Variants in PCCA observed in about 807,000 individuals in gnomAD.
PCCA encodes the protein propionyl-CoA carboxylase subunit alpha.
Under a neutral mutation model 101.3 loss-of-function variants are expected in PCCA, and 74 were observed. The observed-to-expected ratio is 0.73, with a 90% CI of 0.61 to 0.89. The LOEUF is 0.89. PCCA is among the 40% of genes least tolerant of loss of function. PCCA has a pLI of 0.00. For missense variants in PCCA, 891 were observed against 907.0 expected (o/e 0.98, Z 0.23); for synonymous variants, 294 against 313.6 (o/e 0.94, Z 0.66).
chr13:100,284,703 G>C (rs566554697), intron 12 of PCCA, among the ~76,000 whole-genome samples: 7 of 152,292 alleles, frequency 4.6e-5, no homozygotes, highest in African/African-American at 1.7e-4. Flanking sequence ...AAGCAGAATG[G>C]TTCACGGTTC....
chr13:100,415,302 C>T (rs1409930021), intron 19 of PCCA, among the ~76,000 whole-genome samples: 1 of 151,956 alleles, frequency 6.6e-6, no homozygotes, highest in Non-Finnish European at 1.5e-5. Flanking sequence ...AGCTACTCAA[C>T]CCGCTGATGT....
chr13:100,162,587 A>G (rs948462576), intron 6 of PCCA, among the ~76,000 whole-genome samples: 2 of 152,160 alleles, frequency 1.3e-5, no homozygotes, highest in Non-Finnish European at 2.9e-5. Flanking sequence ...CCATTGGTGT[A>G]TCATCATAGA....
intron 20 of PCCA, among the ~76,000 whole-genome samples, chr13:100,443,725 T>G (rs2152919910): frequency 6.6e-6 from 1 of 152,224 alleles, no homozygotes; most frequent in Admixed American, 6.5e-5. Flanking sequence ...CAAATTACTT[T>G]TTGTATTCCT....
chr13:100,231,625 T>A (rs977648256), intron 7 of PCCA, among the ~76,000 whole-genome samples: 3 of 152,218 alleles, frequency 2.0e-5, no homozygotes, highest in African/African-American at 7.2e-5. Context: ...TATGAAAATA[T>A]GAAGTATGAA....
At chr13:100,449,009 T>C (rs1271185691) in intron 20 of PCCA, among the ~76,000 whole-genome samples, 1 of 152,234 alleles carries the variant, frequency 6.6e-6, no homozygotes, top group Non-Finnish European at 1.5e-5. Context: ...GATTTTACTA[T>C]TCTGGACATC....
At chr13:100,097,974 T>C (rs1256804207) in intron 1 of PCCA, among the ~76,000 whole-genome samples, 1 of 152,094 alleles carries the variant, frequency 6.6e-6, no homozygotes, top group Non-Finnish European at 1.5e-5. Flanking sequence ...CAGTGAGCTA[T>C]GATCCTATCA....
At chr13:100,255,107 C>G (rs2061993775) in intron 8 of PCCA, among the ~76,000 whole-genome samples, 1 of 152,010 alleles carries the variant, frequency 6.6e-6, no homozygotes, top group African/African-American at 2.4e-5. Context: ...TAACTTGCAT[C>G]AGTTTCTTCC....
intron 20 of PCCA, among the ~76,000 whole-genome samples, chr13:100,437,274 A>C (rs1314701160): frequency 6.6e-6 from 1 of 152,174 alleles, no homozygotes; most frequent in Non-Finnish European, 1.5e-5. Context: ...CAAGAAAATC[A>C]TACTCTCGGA....
intron 18 of PCCA, among the ~76,000 whole-genome samples, chr13:100,363,293 C>T (rs779287909): frequency 6.6e-6 from 1 of 152,070 alleles, no homozygotes; most frequent in African/African-American, 2.4e-5. Context: ...TCTAAAGTTT[C>T]ATTAAAATTG....
intron 8 of PCCA, among the ~76,000 whole-genome samples, chr13:100,244,965 G>GCA (rs1566785339): frequency 2.8e-5 from 4 of 143,684 alleles, no homozygotes; most frequent in Admixed American, 1.4e-4. Flanking sequence ...GTGTGTGTGT[G>GCA]CGCAGTAGTA....
intron 18 of PCCA, among the ~76,000 whole-genome samples, chr13:100,345,343 GC>G (rs2072019671): frequency 6.6e-6 from 1 of 152,230 alleles, no homozygotes; most frequent in Non-Finnish European, 1.5e-5. Context: ...AAGTGAAACA[GC>G]CTTATTGCTG....
At chr13:100,400,953 T>C (rs2077326686) in intron 19 of PCCA, among the ~76,000 whole-genome samples, 2 of 152,084 alleles carry the variant, frequency 1.3e-5, no homozygotes, top group Admixed American at 6.6e-5. Flanking sequence ...TTAGAGGTAA[T>C]GATGTCTTTT....
At chr13:100,098,831 T>C (rs1027523181) in intron 1 of PCCA, among the ~76,000 whole-genome samples, 2 of 152,100 alleles carry the variant, frequency 1.3e-5, no homozygotes, top group East Asian at 1.9e-4. Flanking sequence ...ACACTGAAGA[T>C]TGGAATGGTC....
intron 11 of PCCA, among the ~76,000 whole-genome samples, chr13:100,271,785 A>G (rs1198435972): frequency 1.3e-5 from 2 of 152,232 alleles, no homozygotes; most frequent in Non-Finnish European, 2.9e-5. Flanking sequence ...ACAGACATGT[A>G]TGTTTTTAAA....
intron 20 of PCCA, among the ~76,000 whole-genome samples, chr13:100,446,558 A>G (rs1232067963): frequency 6.6e-6 from 1 of 152,208 alleles, no homozygotes; most frequent in African/African-American, 2.4e-5. Context: ...AGTGCCCAAC[A>G]CAGTTGAGAG....
At chr13:100,202,225 T>G (rs1241949043) in intron 6 of PCCA, among the ~76,000 whole-genome samples, 4 of 150,190 alleles carry the variant, frequency 2.7e-5, no homozygotes. Context: ...GCCTAGCTAC[T>G]TGGGAGGTCA....
chr13:100,223,206 T>C (rs374510352), intron 7 of PCCA, among the ~76,000 whole-genome samples: 1 of 150,908 alleles, frequency 6.6e-6, no homozygotes, highest in African/African-American at 2.4e-5. Flanking sequence ...GATCCTGCTT[T>C]CAAAGAGCTT....
chr13:100,354,794 A>G lies in PCCA; in HGVS notation c.1644-13678A>G, dbSNP rs1327043422. ...GATACAGACTGCCAACACTTTCTCAAGAGAAAGTAGGAAATCCGAATAGAC... is the reference window on the plus strand; with the variant it reads ...GATACAGACTGCCAACACTTTCTCAGGAGAAAGTAGGAAATCCGAATAGAC... On this transcript the variant is annotated intron_variant, in intron 18 of 23. Transcript: ENST00000376285. 2.6e-5 allele frequency among the ~76,000 whole-genome samples: 4 copies of G among 152,226 alleles called. No homozygotes were observed. In the East Asian group the frequency reaches 7.7e-4, roughly 29 times the overall value.
At chr13:100,204,373 C>T (rs977837526) in intron 6 of PCCA, among the ~76,000 whole-genome samples, 1 of 152,164 alleles carries the variant, frequency 6.6e-6, no homozygotes, top group Non-Finnish European at 1.5e-5. Context: ...CTCCTGAGCT[C>T]GTGCAGCTCA....
Sources: allele counts gnomAD v4.1 joint callset (sites outside exome capture counted in the v4.1 genomes callset), GRCh38; gene constraint gnomAD v4.1.1; transcripts MANE v1.5; gene names NCBI Gene and HGNC (gene_info 2026-07-23, HGNC 2026-07-21).